LPP: variants seen among roughly 807,000 people sequenced by gnomAD.
The protein encoded by LPP is lipoma-preferred partner.
A neutral mutation model predicts 60.4 loss-of-function variants in LPP; 38 were observed. The ratio of observed to expected loss-of-function variants is 0.63; its 90% CI spans 0.49 to 0.83. The LOEUF is 0.83. LPP is among the 40% of genes least tolerant of loss of function. LPP has a pLI of 0.00. For missense variants in LPP, 902 were observed against 783.6 expected (o/e 1.15, Z -1.80); for synonymous variants, 328 against 290.8 (o/e 1.13, Z -1.30).
Position 188,879,627 on chromosome 3 carries a change from A to C in LPP, c.*5148A>C, listed in dbSNP as rs1769686544. On this transcript the variant is annotated 3_prime_UTR_variant, in exon 12 of 12. Coordinates refer to ENST00000617246, the MANE Select transcript of LPP (RefSeq NM_001375462.1). Reference sequence around the variant, plus strand: ...AAGTAATCTTTCAAAGACTAGGTTAAGATTTTTTTTTTAAGTCTGAAGCAA... The same window carrying C: ...AAGTAATCTTTCAAAGACTAGGTTACGATTTTTTTTTTAAGTCTGAAGCAA... The C allele has an allele frequency of 5.4e-6, 1 of 186,486 alleles. No individual in the cohort carries two copies. The highest frequency in any genetic ancestry group is 6.2e-5 in the Admixed American group (1 of 16,130). The allele number at this position is 186,486 out of a possible 1,614,324, so 11.6% of individuals were successfully genotyped here.
rs1766067506 is a variant in LPP, at chr3:188,352,241, A to G, written c.-10+10522A>G. ...ATAAAAATAGCTTATGATCTATGGG[A>G]CTTGGTATTAAGCAAGATGATATTA... On this transcript the variant is annotated intron_variant, in intron 3 of 11. Coordinates refer to ENST00000617246, the MANE Select transcript of LPP (RefSeq NM_001375462.1). This position sits in a 1 kb window ranked among gnomAD's most constrained non-coding sequence, Gnocchi z 4.4. Among the ~76,000 whole-genome samples the G allele has an allele frequency of 6.6e-6, 1 of 152,186 alleles. No homozygotes were observed. The highest frequency in any genetic ancestry group is 1.5e-5 in the Non-Finnish European group (1 of 68,040).
chr3:188,307,437 A>T (rs976443908), intron 2 of LPP, among the ~76,000 whole-genome samples: 11 of 152,208 alleles, frequency 7.2e-5, no homozygotes, highest in African/African-American at 2.7e-4. Flanking sequence ...AATGATTAGA[A>T]ATAGCTGTAA....
Position 188,610,659 on chromosome 3 carries a change from T to C in LPP, c.1113+815T>C, listed in dbSNP as rs1430174168. 6.6e-6 allele frequency among the ~76,000 whole-genome samples: 1 copy of C among 152,246 alleles called. No homozygotes were observed. Among genetic ancestry groups the C allele is most frequent in the Non-Finnish European group, 1.5e-5 (1 of 68,036 alleles). On this transcript the variant is annotated intron_variant, in intron 7 of 11. Coordinates refer to ENST00000617246, the MANE Select transcript of LPP (RefSeq NM_001375462.1). This position sits in a 1 kb window ranked among gnomAD's most constrained non-coding sequence, Gnocchi z 4.4. ...GGACCTTTTAAGTTAACACTCTCTG[T>C]TACTTCGTCTGAATAGGTAAGGTGT...
rs1439351546 is a variant in LPP at position 188,879,033 on chromosome 3, C to A, written c.*4554C>A. 8.8e-6 allele frequency: 2 copies of A among 228,056 alleles called. No homozygotes were observed. The highest frequency in any genetic ancestry group is 4.4e-5 in the African/African-American group (2 of 45,072). 14.1% of individuals were successfully genotyped at this position (228,056 alleles called of 1,614,324 possible). A position where few individuals can be genotyped will look rare whatever the true frequency, so the allele number is the denominator to read the frequency against. ...TTTTTAATTGTCTTCATTGTATTTG[C>A]TTAATAGTGGTCCAGACAAGTTCAA... On this transcript the variant is annotated 3_prime_UTR_variant, in exon 12 of 12. Coordinates refer to ENST00000617246, the MANE Select transcript of LPP (RefSeq NM_001375462.1).
rs531637839 is a variant in LPP at position 188,317,195 on chromosome 3, C to T, written c.-66-24468C>T. Among the ~76,000 whole-genome samples, 5 of 151,930 alleles carry T rather than the reference C, an allele frequency of 3.3e-5. No individual in the cohort carries two copies. The East Asian group carries it at 9.7e-4, about 29-fold the overall frequency. On this transcript the variant is annotated intron_variant, in intron 2 of 11. Coordinates refer to ENST00000617246, the MANE Select transcript of LPP (RefSeq NM_001375462.1). ...TTCTTTGCAAGATATTTCTGCTAAT[C>T]GTTTCTACCAGAATCAGTTGGAAAA...
chr3:188,379,234 A>C (rs182749174), intron 3 of LPP, among the ~76,000 whole-genome samples: 19 of 152,320 alleles, frequency 1.2e-4, no homozygotes, highest in Non-Finnish European at 2.6e-4. Context: ...ACCAAAAGTA[A>C]TTATATTGCC....
chr3:188,567,287 A>T (rs1832398947), intron 6 of LPP, among the ~76,000 whole-genome samples: 1 of 152,002 alleles, frequency 6.6e-6, no homozygotes, highest in East Asian at 1.9e-4. Context: ...CTTCCACATC[A>T]TTAAAATGGG....
At chr3:188,545,484 T>C (rs527674847) in intron 6 of LPP, among the ~76,000 whole-genome samples, 1 of 152,162 alleles carries the variant, frequency 6.6e-6, no homozygotes, top group Non-Finnish European at 1.5e-5. Flanking sequence ...AGCTTAGTAA[T>C]GTCTACCTTA....
At chr3:188,263,909 T>C (rs1185586586) in intron 2 of LPP, among the ~76,000 whole-genome samples, 1 of 152,228 alleles carries the variant, frequency 6.6e-6, no homozygotes, top group Non-Finnish European at 1.5e-5. Context: ...TTTAAGTCCA[T>C]GTTCAAGTGA....
chr3:188,451,338 C>T (rs1353945563), intron 4 of LPP, among the ~76,000 whole-genome samples: 1 of 151,978 alleles, frequency 6.6e-6, no homozygotes, highest in Non-Finnish European at 1.5e-5. Flanking sequence ...GGACTGTGGT[C>T]ATAGAGAGGC....
intron 2 of LPP, among the ~76,000 whole-genome samples, chr3:188,324,452 C>T (rs1473844072): frequency 2.0e-5 from 3 of 152,194 alleles, no homozygotes; most frequent in African/African-American, 7.2e-5. Context: ...TGCGTCATCT[C>T]AAGATCTACC....
At chr3:188,636,004 A>G (rs1848661688) in intron 7 of LPP, among the ~76,000 whole-genome samples, 1 of 152,236 alleles carries the variant, frequency 6.6e-6, no homozygotes, top group East Asian at 1.9e-4. Flanking sequence ...GATGGTATTC[A>G]GATTAAGAAA....
At chr3:188,562,422 T>G (rs1415772392) in intron 6 of LPP, 2 of 152,076 alleles carry the variant, frequency 1.3e-5, no homozygotes, top group African/African-American at 4.8e-5. Context: ...ACTGAATTGC[T>G]GCCTACTGAA....
At chr3:188,840,171 ATTTC>A (rs1299702834) in intron 9 of LPP, among the ~76,000 whole-genome samples, 1 of 152,048 alleles carries the variant, frequency 6.6e-6, no homozygotes, top group East Asian at 1.9e-4. Flanking sequence ...GAAACCCACG[ATTTC>A]TTTCTTTCTT....
chr3:188,863,924 T>C (rs1765901177), intron 9 of LPP, among the ~76,000 whole-genome samples: 1 of 149,602 alleles, frequency 6.7e-6, no homozygotes, highest in South Asian at 2.1e-4. Flanking sequence ...CCAAACATTT[T>C]CTGGTTATTC....
At chr3:188,642,697 G>T (rs1850392103) in intron 7 of LPP, among the ~76,000 whole-genome samples, 1 of 152,134 alleles carries the variant, frequency 6.6e-6, no homozygotes, top group South Asian at 2.1e-4. Flanking sequence ...AGCACTTTGG[G>T]AGGCCGAGGC....
chr3:188,218,057 T>A (rs1278201684), intron 1 of LPP, among the ~76,000 whole-genome samples: 1 of 152,164 alleles, frequency 6.6e-6, no homozygotes, highest in Non-Finnish European at 1.5e-5. Flanking sequence ...ATGCAGAGAT[T>A]TCTGTCTCCT....
intron 7 of LPP, among the ~76,000 whole-genome samples, chr3:188,669,754 G>T (rs555573431): frequency 6.6e-6 from 1 of 151,914 alleles, no homozygotes; most frequent in East Asian, 1.9e-4. Flanking sequence ...CCCATTACTG[G>T]GTATACCCAA....
intron 4 of LPP, among the ~76,000 whole-genome samples, chr3:188,445,613 T>G (rs1479159740): frequency 6.6e-6 from 1 of 151,882 alleles, no homozygotes; most frequent in Non-Finnish European, 1.5e-5. Flanking sequence ...GTTCTGCACA[T>G]GTATCCCAGA....
Sources: gnomAD v4.1 joint callset for allele counts (sites outside exome capture counted in the v4.1 genomes callset) on GRCh38, gnomAD v4.1.1 for gene constraint, Gnocchi (gnomAD v3.1) non-coding constraint, MANE v1.5 for transcripts, NCBI Gene and HGNC (gene_info 2026-07-23, HGNC 2026-07-21) for gene names.